LRSAM1: variants seen among roughly 807,000 people sequenced by gnomAD.
The protein encoded by LRSAM1 is E3 ubiquitin-protein ligase LRSAM1.
LRSAM1 carries 96 observed loss-of-function variants against 118.1 expected under a neutral mutation model. The observed-to-expected ratio is 0.81, with a 90% CI of 0.69 to 0.96. LRSAM1 has a LOEUF of 0.96. LRSAM1 is among the 40% of genes least tolerant of loss of function. The pLI is 0.00. For missense variants in LRSAM1, 804 were observed against 915.5 expected, an observed-to-expected ratio of 0.88 and a Z score of 1.57; for synonymous variants, 322 against 364.2, an observed-to-expected ratio of 0.88 and a Z score of 1.32.
intron 5 of LRSAM1, 117 bp from the exon 6 acceptor site, chr9:127,457,199 G>T (rs1834550975): frequency 1.9e-6 from 2 of 1,070,782 alleles, no homozygotes; most frequent in South Asian, 2.6e-5. Flanking sequence ...CCGTGGTGGT[G>T]TCTGGGAGAG....
chr9:127,485,827 C>A lies in LRSAM1; in HGVS notation c.1251C>A (p.Ala417=). Residue 417 remains alanine (A), a synonymous_variant, in exon 17 of 26, where the codon GCC becomes GCA. Coordinates refer to ENST00000300417, the MANE Select transcript of LRSAM1 (RefSeq NM_001005373.4). The stretch of plus-strand genomic sequence containing the variant: ...AGAGGCAGAACTTGGTCCAGCAGGC[C>A]TGTTCCAGGTAAGGTAAGGAAGAGG... The part of the protein sequence containing the change: ...ESQRQNLVQQ[A]CSSMAEMDER... 1 of 1,614,116 alleles carries A rather than the reference C, an allele frequency of 6.2e-7. No individual in the cohort carries two copies. Among genetic ancestry groups the A allele is most frequent in the Non-Finnish European group, 8.5e-7 (1 of 1,180,000 alleles).
intron 22 of LRSAM1, 77 bp from the exon 23 acceptor site, chr9:127,495,887 C>T: frequency 6.4e-7 from 1 of 1,572,630 alleles, no homozygotes; most frequent in Non-Finnish European, 8.6e-7. Context: ...TATAAATATT[C>T]AAACCCTTCA....
intron 19 of LRSAM1, among the ~76,000 whole-genome samples, 188 bp from the exon 20 acceptor site, chr9:127,491,027 T>C (rs991081258): frequency 7.9e-5 from 12 of 151,994 alleles, no homozygotes; most frequent in African/African-American, 2.2e-4. Context: ...CGCGAGGCCA[T>C]GAAGGAACGA....
chr9:127,496,058 A>C lies in LRSAM1; in HGVS notation c.1793A>C (p.Asp598Ala). ...PIFAHHRLSLDLLSQMSPGDL... is the reference protein window; with the variant it reads ...PIFAHHRLSLALLSQMSPGDL... ...TTTGCGCACCACCGCCTCTCACTGG[A>C]CCTGCTGAGCCAAATGAGCCCAGGG... The change falls in exon 23 of 26, where the codon GAC (aspartate) becomes GCC (alanine). Residue 598 changes from aspartate to alanine, a missense_variant. Coordinates refer to ENST00000300417, the MANE Select transcript of LRSAM1 (RefSeq NM_001005373.4). 6.2e-7 allele frequency: 1 copy of C among 1,611,888 alleles called. No homozygotes were observed. The highest frequency in any genetic ancestry group is 8.5e-7 in the Non-Finnish European group (1 of 1,180,000).
chr9:127,454,714 CACAG>C, intron 3 of LRSAM1, 115 bp downstream of exon 3: 1 of 1,141,610 alleles, frequency 8.8e-7, no homozygotes, highest in African/African-American at 1.5e-5. Context: ...CTCCCCCACC[CACAG>C]AAGAAATATT....
chr9:127,453,301 C>T (rs1452714755), intron 2 of LRSAM1, among the ~76,000 whole-genome samples: 10 of 152,234 alleles, frequency 6.6e-5, no homozygotes, highest in East Asian at 1.9e-4. Flanking sequence ...AGGCTGGTCT[C>T]GAACTCCTGG....
intron 24 of LRSAM1, among the ~76,000 whole-genome samples, chr9:127,497,551 C>A (rs78236680): frequency 0.039 from 5,904 of 152,272 alleles, 164 homozygotes; most frequent in Non-Finnish European, 0.057. Flanking sequence ...GAACAGGAGA[C>A]CTCCACGTAG....
intron 5 of LRSAM1, among the ~76,000 whole-genome samples, chr9:127,456,844 C>T (rs1394487107): frequency 2.7e-5 from 4 of 147,800 alleles, no homozygotes; most frequent in Admixed American, 6.8e-5. Flanking sequence ...CCAGCTTGGG[C>T]GACAGAGCAA....
At chr9:127,481,831 A>G (rs1363958555) in intron 15 of LRSAM1, among the ~76,000 whole-genome samples, 1 of 151,954 alleles carries the variant, frequency 6.6e-6, no homozygotes, top group Non-Finnish European at 1.5e-5. Flanking sequence ...CGAGGTGGGC[A>G]GATCACTTGA....
chr9:127,456,741 C>A lies in LRSAM1; in HGVS notation c.175-575C>A, dbSNP rs1341276119. Among the ~76,000 whole-genome samples the A allele has an allele frequency of 2.0e-5, 3 of 152,050 alleles. No homozygotes were observed. The East Asian group carries it at 5.8e-4, about 30-fold the overall frequency. On this transcript the variant is annotated intron_variant, in intron 5 of 25. Coordinates refer to ENST00000300417, the MANE Select transcript of LRSAM1 (RefSeq NM_001005373.4). ...ATCAGCTGGGTGTGGTGGCATGCGC[C>A]TGTAGTCCCAGCTACTCGGGAGGGC...
At chr9:127,483,952 G>A (rs761151812) in intron 16 of LRSAM1, among the ~76,000 whole-genome samples, 1 of 152,128 alleles carries the variant, frequency 6.6e-6, no homozygotes, top group Non-Finnish European at 1.5e-5. Flanking sequence ...GTGAGCCACC[G>A]TGCCTGGTCT....
intron 13 of LRSAM1, 68 bp from the exon 14 acceptor site, chr9:127,479,771 C>G: frequency 6.3e-7 from 1 of 1,582,060 alleles, no homozygotes. Context: ...GCCTCCTAAC[C>G]CCAGTCAGTA....
chr9:127,481,154 G>A (rs780523082), intron 14 of LRSAM1, 29 bp from the exon 15 acceptor site: 3 of 1,613,586 alleles, frequency 1.9e-6, no homozygotes, highest in African/African-American at 1.3e-5. Context: ...GCTGGTGACT[G>A]CCAGGACCTT....
chr9:127,451,588 G>C lies in LRSAM1; in HGVS notation c.-270G>C. 1.8e-6 allele frequency: 1 copy of C among 543,686 alleles called. No homozygotes were observed. Among genetic ancestry groups the C allele is most frequent in the Non-Finnish European group, 3.3e-6 (1 of 301,066 alleles). 33.7% of individuals were successfully genotyped at this position (543,686 alleles called of 1,614,324 possible). A position where few individuals can be genotyped will look rare whatever the true frequency, so the allele number is the denominator to read the frequency against. ...CTGAAGCTAGAGATTCCGAAAGGGG[G>C]TTCGGGTAGTTCGCTCCGGAGAAGT... On this transcript the variant is annotated 5_prime_UTR_variant, in exon 1 of 26. Transcript: ENST00000300417.
intron 17 of LRSAM1, chr9:127,487,357 C>A: frequency 2.8e-6 from 1 of 362,908 alleles, no homozygotes; most frequent in South Asian, 2.2e-5. Flanking sequence ...TCAGGAGCTC[C>A]CCACCCATGG....
chr9:127,491,125 T>G, intron 19 of LRSAM1, 90 bp from the exon 20 acceptor site: 1 of 1,105,796 alleles, frequency 9.0e-7, no homozygotes, highest in East Asian at 2.4e-5. Context: ...AAAGGCTTCT[T>G]AGACCCACTT....
At chr9:127,458,625 A>G (rs1834616996) in intron 6 of LRSAM1, among the ~76,000 whole-genome samples, 1 of 152,148 alleles carries the variant, frequency 6.6e-6, no homozygotes, top group Admixed American at 6.6e-5. Flanking sequence ...ATTAGCAAGT[A>G]CAGTTAAGCA....
intron 24 of LRSAM1, among the ~76,000 whole-genome samples, chr9:127,499,803 C>T (rs1253780837): frequency 6.6e-6 from 1 of 151,546 alleles, no homozygotes; most frequent in East Asian, 1.9e-4. Context: ...GCCTATAGTC[C>T]CAGATACGCA....
intron 15 of LRSAM1, among the ~76,000 whole-genome samples, chr9:127,481,601 C>A (rs550606942): frequency 1.6e-4 from 24 of 152,208 alleles, no homozygotes; most frequent in African/African-American, 5.8e-4. Flanking sequence ...AGGATTATGC[C>A]AGGACATTTC....
Sources: allele counts gnomAD v4.1 joint callset (sites outside exome capture counted in the v4.1 genomes callset), GRCh38; gene constraint gnomAD v4.1.1; transcripts MANE v1.5; gene names NCBI Gene and HGNC (gene_info 2026-07-23, HGNC 2026-07-21).